The following PPP4R3B variants were observed in gnomAD, a reference collection of about 807,000 sequenced individuals.
PPP4R3B encodes the protein serine/threonine-protein phosphatase 4 regulatory subunit 3B.
A neutral mutation model predicts 95.4 loss-of-function variants in PPP4R3B; 52 were observed. That is an observed-to-expected ratio of 0.54 (90% CI 0.44 to 0.69). The LOEUF (loss-of-function observed/expected upper bound fraction) is 0.69, where lower values mean the gene tolerates loss of function less well. PPP4R3B is among the 30% of genes least tolerant of loss of function. The pLI is 0.00. For missense variants in PPP4R3B, 1,003 were observed against 1,005.9 expected (o/e 1.00, Z 0.04); for synonymous variants, 407 against 343.9 (o/e 1.18, Z -2.03).
intron 4 of PPP4R3B, among the ~76,000 whole-genome samples, chr2:55,596,338 T>C (rs1277783893): frequency 4.8e-5 from 2 of 41,844 alleles, no homozygotes; most frequent in East Asian, 5.4e-4. Flanking sequence ...ATCAGATTCG[T>C]CTATTTCGAA....
chr2:55,553,521 C>T (rs1685489939), intron 16 of PPP4R3B, among the ~76,000 whole-genome samples: 1 of 152,190 alleles, frequency 6.6e-6, no homozygotes. Flanking sequence ...AGTATATTCA[C>T]AAGTTACGTA....
At position 55,606,456 on chromosome 2, in the gene PPP4R3B, AAGTGG is replaced by A. The variant is rs200831641; in HGVS notation, c.199-2385_199-2381del. Among the ~76,000 whole-genome samples, 1,177 of 152,170 alleles carry A rather than the reference AAGTGG, an allele frequency of 7.7e-3. 8 individuals carry two copies. Among genetic ancestry groups the A allele is most frequent in the African/African-American group, 0.026 (1,063 of 41,524 alleles). ...TCTTAGCATTTTGGGAGGCTAAGGC[AAGTGG>A]ATCACTTGAGGCCAGGAGTTTGAGA... On this transcript the variant is annotated intron_variant, in intron 2 of 16. Coordinates refer to ENST00000616407, the MANE Select transcript of PPP4R3B (RefSeq NM_001122964.3).
Position 55,581,593 on chromosome 2 carries a change from G to T in PPP4R3B, c.1339C>A (p.Pro447Thr), listed in dbSNP as rs1689448404. ...TTAGTTGTAGCCAGCATGTTCTCTG[G>T]ATCAATTAGAGTACGAAGAAGTCCC... is the stretch of plus-strand genomic sequence containing the variant. Reference protein sequence around the residue: ...LMGLLRTLIDPENMLATTNKT... With the variant: ...LMGLLRTLIDTENMLATTNKT... Residue 447 changes from proline (P) to threonine (T), a missense_variant, in exon 8 of 17, where the codon CCA becomes ACA. Physicochemically the swap from Pro to Thr is conservative, Grantham distance 38. This residue lies in a region of PPP4R3B where 695 missense variants were observed against 686.2 expected (regional missense o/e 1.01). Coordinates refer to ENST00000616407, the MANE Select transcript of PPP4R3B (RefSeq NM_001122964.3). The T allele has an allele frequency of 6.2e-7, 1 of 1,612,894 alleles. No individual in the cohort carries two copies. Among genetic ancestry groups the T allele is most frequent in the Non-Finnish European group, 8.5e-7 (1 of 1,179,384 alleles).
chr2:55,586,479 A>G, intron 6 of PPP4R3B, 139 bp downstream of exon 6: 1 of 523,004 alleles, frequency 1.9e-6, no homozygotes, highest in Non-Finnish European at 3.3e-6. Flanking sequence ...AAAATCTGAA[A>G]CTGAAGATAT....
intron 2 of PPP4R3B, among the ~76,000 whole-genome samples, chr2:55,608,431 T>C (rs1693711461): frequency 6.6e-6 from 1 of 152,232 alleles, no homozygotes; most frequent in South Asian, 2.1e-4. Context: ...CGGTTACTGA[T>C]CTTTCTTCTT....
At chr2:55,595,581 A>G (rs1465254682) in intron 4 of PPP4R3B, among the ~76,000 whole-genome samples, 3 of 152,098 alleles carry the variant, frequency 2.0e-5, no homozygotes, top group Non-Finnish European at 4.4e-5. Flanking sequence ...TAAGAGAAAC[A>G]GCTATATGAT....
chr2:55,593,995 T>C (rs549323881), intron 4 of PPP4R3B, among the ~76,000 whole-genome samples: 12 of 152,194 alleles, frequency 7.9e-5, no homozygotes, highest in Admixed American at 3.9e-4. Flanking sequence ...TAAAAAATAA[T>C]GAAATCATGT....
intron 4 of PPP4R3B, among the ~76,000 whole-genome samples, chr2:55,589,723 G>A (rs926354311): frequency 1.3e-5 from 2 of 151,054 alleles, no homozygotes; most frequent in Admixed American, 1.3e-4. Context: ...AGACCACCCT[G>A]GCTAACATGG....
At chr2:55,570,846 G>C (rs1285788024) in intron 12 of PPP4R3B, among the ~76,000 whole-genome samples, 1 of 152,202 alleles carries the variant, frequency 6.6e-6, no homozygotes, top group African/African-American at 2.4e-5. Flanking sequence ...TTTTGTGGCA[G>C]GATAAGAAAT....
intron 11 of PPP4R3B, among the ~76,000 whole-genome samples, chr2:55,576,901 G>A (rs1278904770): frequency 1.3e-5 from 2 of 152,146 alleles, no homozygotes; most frequent in Non-Finnish European, 2.9e-5. Context: ...CACAGCACAT[G>A]TCTTTATTAG....
intron 4 of PPP4R3B, among the ~76,000 whole-genome samples, chr2:55,598,199 G>A (rs1371802061): frequency 6.6e-6 from 1 of 152,134 alleles, no homozygotes; most frequent in Non-Finnish European, 1.5e-5. Context: ...CAGCCTGGGC[G>A]ACAGAACGAG....
At chr2:55,561,705 GCCCAGGGCCTGTAGC>G (rs1686650565) in intron 15 of PPP4R3B, among the ~76,000 whole-genome samples, 1 of 152,256 alleles carries the variant, frequency 6.6e-6, no homozygotes. Context: ...CTTTGCACTT[GCCCAGGGCCTGTAGC>G]CCCTTTGTTT....
chr2:55,613,482 TTATAC>T (rs1212030417), intron 2 of PPP4R3B, among the ~76,000 whole-genome samples: 4 of 152,174 alleles, frequency 2.6e-5, no homozygotes, highest in Non-Finnish European at 5.9e-5. Context: ...TTCCAATACT[TTATAC>T]TAAGTGTATA....
intron 2 of PPP4R3B, among the ~76,000 whole-genome samples, chr2:55,612,657 A>G (rs376914814): frequency 2.4e-4 from 37 of 152,204 alleles, no homozygotes; most frequent in African/African-American, 8.4e-4. Context: ...AAAAATTAGT[A>G]AGGTTGGCCG....
At chr2:55,558,009 T>C (rs1686075562) in intron 16 of PPP4R3B, among the ~76,000 whole-genome samples, 1 of 152,144 alleles carries the variant, frequency 6.6e-6, no homozygotes, top group Non-Finnish European at 1.5e-5. Flanking sequence ...GGCTAATATT[T>C]AGCCTTACTA....
At chr2:55,601,333 G>A (rs1213134676) in intron 3 of PPP4R3B, among the ~76,000 whole-genome samples, 2 of 151,932 alleles carry the variant, frequency 1.3e-5, no homozygotes, top group Non-Finnish European at 2.9e-5. Context: ...CACTGCTCTG[G>A]GAGACGTTTT....
In PPP4R3B at chr2:55,586,722, TG is replaced by T; in HGVS notation, c.1011del (p.Phe337LeufsTer35). ...DDKRRELVNF[F>X]KEFCAFSQTL... Reference sequence around the variant, plus strand: ...GTCTGAGAAAATGCACAAAACTCCTTGAAAAAATTAACCTGTAATGTCAGAA... The same window carrying T: ...GTCTGAGAAAATGCACAAAACTCCTTAAAAAATTAACCTGTAATGTCAGAA... On this transcript the variant is annotated frameshift_variant, in exon 6 of 17. Coordinates refer to ENST00000616407, the MANE Select transcript of PPP4R3B (RefSeq NM_001122964.3). LOFTEE classifies it high-confidence loss of function. 6.3e-7 allele frequency: 1 copy of T among 1,598,964 alleles called. No individual in the cohort carries two copies. Among genetic ancestry groups the T allele is most frequent in the Non-Finnish European group, 8.5e-7 (1 of 1,173,236 alleles).
intron 11 of PPP4R3B, among the ~76,000 whole-genome samples, chr2:55,574,316 A>C (rs942012906): frequency 1.3e-5 from 2 of 151,854 alleles, no homozygotes; most frequent in Non-Finnish European, 1.5e-5. Context: ...TTTGCATAAA[A>C]TATGAAATAC....
intron 15 of PPP4R3B, among the ~76,000 whole-genome samples, chr2:55,559,615 C>G (rs1051436408): frequency 3.3e-5 from 5 of 152,100 alleles, no homozygotes; most frequent in Non-Finnish European, 4.4e-5. Context: ...GGCACTTCCC[C>G]CCTTGCTCTC....
Sources: gnomAD v4.1 joint callset for allele counts (sites outside exome capture counted in the v4.1 genomes callset) on GRCh38, gnomAD v4.1.1 for gene constraint, gnomAD v4.1.1 regional missense constraint, MANE v1.5 for transcripts, NCBI Gene and HGNC (gene_info 2026-07-23, HGNC 2026-07-21) for gene names.